Variants in POLR3B observed in about 807,000 individuals in gnomAD.
POLR3B encodes RNA polymerase III subunit B, also known as DNA-directed RNA polymerase III subunit RPC2.
POLR3B carries 96 observed loss-of-function variants against 147.4 expected under a neutral mutation model. That is an observed-to-expected ratio of 0.65 (90% confidence interval 0.55 to 0.77). The LOEUF (loss-of-function observed/expected upper bound fraction) is 0.77. POLR3B is among the 30% of genes least tolerant of loss of function. The probability of loss-of-function intolerance (pLI) is 0.00; values close to 1 mark genes in which losing one functional copy is unlikely to be tolerated. For missense variants in POLR3B, 1,036 were observed against 1,413.5 expected (o/e 0.73, Z 4.28); for synonymous variants, 461 against 485.9 (o/e 0.95, Z 0.67).
At chr12:106,469,968 C>T (rs2038067253) in intron 23 of POLR3B, among the ~76,000 whole-genome samples, 1 of 152,140 alleles carries the variant, frequency 6.6e-6, no homozygotes, top group Non-Finnish European at 1.5e-5. Flanking sequence ...GTGGTGTTCT[C>T]TGTATTTCCT....
intron 9 of POLR3B, among the ~76,000 whole-genome samples, chr12:106,383,029 C>T (rs2036785552): frequency 6.6e-6 from 1 of 152,242 alleles, no homozygotes; most frequent in African/African-American, 2.4e-5. Context: ...GCTTCTCCAT[C>T]AGCACTTGTT....
chr12:106,436,350 G>A (rs2037576072), intron 16 of POLR3B, among the ~76,000 whole-genome samples: 1 of 152,258 alleles, frequency 6.6e-6, no homozygotes, highest in African/African-American at 2.4e-5. Flanking sequence ...GCCCTCCGAG[G>A]CAAGTCCCCA....
At chr12:106,381,880 A>T (rs2036768324) in intron 9 of POLR3B, 1 of 152,212 alleles carries the variant, frequency 6.6e-6, no homozygotes. Flanking sequence ...GAAGGGGTGG[A>T]TTATTCATGA....
At chr12:106,426,226 G>A (rs1451725352) in intron 12 of POLR3B, among the ~76,000 whole-genome samples, 1 of 128,412 alleles carries the variant, frequency 7.8e-6, no homozygotes, top group African/African-American at 3.4e-5. Context: ...TGCAATTTGT[G>A]TGTGTGTGTG....
intron 9 of POLR3B, among the ~76,000 whole-genome samples, chr12:106,383,349 T>G (rs1431508275): frequency 1.3e-5 from 2 of 152,222 alleles, no homozygotes; most frequent in Non-Finnish European, 2.9e-5. Context: ...TTCCTTTGTG[T>G]GCACAACTTG....
intron 14 of POLR3B, among the ~76,000 whole-genome samples, chr12:106,431,134 C>T (rs1029299929): frequency 1.3e-5 from 2 of 151,922 alleles, no homozygotes; most frequent in African/African-American, 2.4e-5. Flanking sequence ...GAGTACAGGC[C>T]CCATGAATAT....
intron 10 of POLR3B, among the ~76,000 whole-genome samples, chr12:106,399,166 G>A (rs1335775402): frequency 8.5e-5 from 13 of 152,146 alleles, no homozygotes; most frequent in African/African-American, 2.7e-4. Context: ...ACCAAGGCAC[G>A]AGAACTATGT....
chr12:106,452,271 C>G (rs375899774), intron 19 of POLR3B, among the ~76,000 whole-genome samples: 42 of 152,336 alleles, frequency 2.8e-4, no homozygotes, highest in African/African-American at 1.0e-3. Context: ...AATGCACGTA[C>G]ATGTATACTC....
chr12:106,477,814 C>A (rs1286795847), intron 23 of POLR3B, among the ~76,000 whole-genome samples: 2 of 151,108 alleles, frequency 1.3e-5, no homozygotes, highest in Non-Finnish European at 2.9e-5. Context: ...ATGCAGAAAT[C>A]ACCCGTCTTC....
intron 12 of POLR3B, among the ~76,000 whole-genome samples, chr12:106,418,739 T>C (rs2037337600): frequency 6.6e-6 from 1 of 152,200 alleles, no homozygotes. Context: ...TCCTTCCCTT[T>C]TAGTCATTTT....
chr12:106,410,509 A>T, intron 11 of POLR3B: 1 of 339,002 alleles, frequency 2.9e-6, no homozygotes. Flanking sequence ...TCTCTTGGTT[A>T]AATTAATCAT....
chr12:106,402,907 T>C (rs2037089777), intron 10 of POLR3B, among the ~76,000 whole-genome samples: 1 of 152,158 alleles, frequency 6.6e-6, no homozygotes, highest in Non-Finnish European at 1.5e-5. Context: ...GGGCAGGGAC[T>C]TCATGTCTAA....
At chr12:106,433,413 A>C (rs1172946341) in intron 15 of POLR3B, among the ~76,000 whole-genome samples, 2 of 152,224 alleles carry the variant, frequency 1.3e-5, no homozygotes, top group Admixed American at 1.3e-4. Context: ...AGCCTGTGGA[A>C]GTGATGGAGC....
intron 12 of POLR3B, among the ~76,000 whole-genome samples, chr12:106,422,795 G>C (rs1425651470): frequency 2.6e-5 from 4 of 152,050 alleles, no homozygotes; most frequent in African/African-American, 9.7e-5. Flanking sequence ...CAGGGTCTTA[G>C]CTTTTCCATA....
In POLR3B at chr12:106,500,267, A is replaced by G. The variant is rs904487864; in HGVS notation, c.2985-1056A>G. 1.9e-5 allele frequency: 8 copies of G among 427,334 alleles called. No individual in the cohort carries two copies. In the East Asian group the frequency reaches 5.6e-4, roughly 30 times the overall value. The allele number at this position is 427,334 out of a possible 1,614,324, so 26.5% of individuals were successfully genotyped here. A position where few individuals can be genotyped will look rare whatever the true frequency, so the allele number is the denominator to read the frequency against. ...GTTGTTCTTGCTCCAGATTAATGAG[A>G]AAAGGTTTCTTCTGTCAAAGTACTT... On this transcript the variant is annotated intron_variant, in intron 25 of 27. Transcript: ENST00000228347.
At chr12:106,358,288 C>G in intron 1 of POLR3B, 1 of 1,258,260 alleles carries the variant, frequency 7.9e-7, no homozygotes, top group South Asian at 1.6e-5. Context: ...TGCAGTCTTA[C>G]AGAGGACACG....
At chr12:106,486,348 T>C (rs2038339880) in intron 23 of POLR3B, among the ~76,000 whole-genome samples, 1 of 135,376 alleles carries the variant, frequency 7.4e-6, no homozygotes, top group South Asian at 2.4e-4. Flanking sequence ...GGGAGGTGAG[T>C]AGCATGCCTC....
At chr12:106,400,098 GC>G (rs1260595939) in intron 10 of POLR3B, among the ~76,000 whole-genome samples, 2 of 152,188 alleles carry the variant, frequency 1.3e-5, no homozygotes, top group Non-Finnish European at 1.5e-5. Flanking sequence ...CATCTAAGGT[GC>G]AGAGACACAC....
At chr12:106,445,381 T>C (rs2037708440) in intron 19 of POLR3B, among the ~76,000 whole-genome samples, 1 of 152,138 alleles carries the variant, frequency 6.6e-6, no homozygotes, top group Non-Finnish European at 1.5e-5. Flanking sequence ...GAGTGGGTTT[T>C]TTCTGAAGGG....
Sources: gnomAD v4.1 joint callset for allele counts (sites outside exome capture counted in the v4.1 genomes callset) on GRCh38, gnomAD v4.1.1 for gene constraint, MANE v1.5 for transcripts, NCBI Gene and HGNC (gene_info 2026-07-23, HGNC 2026-07-21) for gene names.